NELL2: variants seen among roughly 807,000 people sequenced by gnomAD.
The protein encoded by NELL2 is neural EGFL like 2.
A neutral mutation model predicts 109.6 loss-of-function variants in NELL2; 41 were observed. The observed-to-expected ratio is 0.37, with a 90% CI of 0.29 to 0.49. The LOEUF is 0.49. Ranked by LOEUF, NELL2 falls within the 20% of genes least tolerant of loss-of-function variation. NELL2 has a pLI of 0.98. For missense variants in NELL2, 900 were observed against 1,008.3 expected (o/e 0.89, Z 1.45); for synonymous variants, 355 against 344.7 (o/e 1.03, Z -0.33).
chr12:44,652,185 A>C (rs1014670723), intron 13 of NELL2, among the ~76,000 whole-genome samples: 5 of 152,270 alleles, frequency 3.3e-5, no homozygotes, highest in South Asian at 2.1e-4. Context: ...AGATTGTGAC[A>C]ACAACGATAC....
rs181044942 is a variant in NELL2 at position 44,692,589 on chromosome 12, A to G, written c.1318+11137T>C. Among the ~76,000 whole-genome samples, 234 of 152,280 alleles carry G rather than the reference A, an allele frequency of 1.5e-3. 3 individuals carry two copies. The highest frequency in any genetic ancestry group is 5.1e-3 in the African/African-American group (214 of 41,560). On this transcript the variant is annotated intron_variant, in intron 12 of 19. Coordinates refer to ENST00000429094, the MANE Select transcript of NELL2 (RefSeq NM_001145108.2). Reference sequence around the variant, plus strand: ...CAAGAATCTGGGCAAAGTAAGTTGAAAACCTTCTGGGGAAGATTCACCATT... The same window carrying G: ...CAAGAATCTGGGCAAAGTAAGTTGAGAACCTTCTGGGGAAGATTCACCATT...
intron 13 of NELL2, among the ~76,000 whole-genome samples, chr12:44,643,925 GC>G (rs1946953448): frequency 1.3e-5 from 2 of 152,124 alleles, no homozygotes. Context: ...AGAAACATGG[GC>G]AAGAGTTTCT....
chr12:44,704,136 T>C (rs1937721582), intron 11 of NELL2, among the ~76,000 whole-genome samples: 1 of 151,996 alleles, frequency 6.6e-6, no homozygotes, highest in African/African-American at 2.4e-5. Flanking sequence ...TAACCCTCCA[T>C]ATATCTGAAA....
intron 12 of NELL2, among the ~76,000 whole-genome samples, chr12:44,678,785 A>G (rs1236504187): frequency 6.6e-6 from 1 of 152,120 alleles, no homozygotes; most frequent in East Asian, 1.9e-4. Context: ...AGCCAAGCAA[A>G]ATACAGATGG....
chr12:44,756,061 T>A (rs1940876769), intron 9 of NELL2, among the ~76,000 whole-genome samples: 1 of 152,098 alleles, frequency 6.6e-6, no homozygotes, highest in Non-Finnish European at 1.5e-5. Flanking sequence ...ACCTTAGATC[T>A]CACTTCACAG....
intron 12 of NELL2, among the ~76,000 whole-genome samples, chr12:44,684,804 C>T (rs1216043127): frequency 1.3e-5 from 2 of 152,076 alleles, no homozygotes; most frequent in African/African-American, 2.4e-5. Context: ...AATTTCTGTT[C>T]TTTTACATTT....
At position 44,522,031 on chromosome 12, in the gene NELL2, C is replaced by A; in HGVS notation, c.2144G>T (p.Trp715Leu). The A allele has an allele frequency of 2.5e-6, 4 of 1,613,972 alleles. No homozygotes were observed. The highest frequency in any genetic ancestry group is 3.4e-6 in the Non-Finnish European group (4 of 1,179,986). ...GCGGCACTGTTGACAATTCTGGACC[C>A]AGGTGTCACCACTGTTATACAAAGT... is the stretch of plus-strand genomic sequence containing the variant. ...GETLYNSGDTWVQNCQQCRCL... is the reference protein window; with the variant it reads ...GETLYNSGDTLVQNCQQCRCL... Residue 715 changes from tryptophan (W) to leucine (L), a missense_variant, in exon 18 of 20, where the codon TGG (tryptophan) becomes TTG (leucine). Trp to Leu is a moderately conservative substitution (Grantham distance 61). This residue lies in a region of NELL2 where 333 missense variants were observed against 432.3 expected (regional missense o/e 0.77). Transcript: ENST00000429094.
At chr12:44,621,742 A>T (rs1185746533) in intron 13 of NELL2, among the ~76,000 whole-genome samples, 1 of 152,146 alleles carries the variant, frequency 6.6e-6, no homozygotes, top group Non-Finnish European at 1.5e-5. Context: ...TGAAATAAAA[A>T]TTAATAAGAA....
intron 13 of NELL2, among the ~76,000 whole-genome samples, chr12:44,663,252 TA>T (rs947746742): frequency 1.3e-5 from 2 of 150,646 alleles, no homozygotes; most frequent in Admixed American, 6.6e-5. Flanking sequence ...GGCCTAACAT[TA>T]AAAAAAAATA....
intron 9 of NELL2, among the ~76,000 whole-genome samples, chr12:44,747,346 G>T (rs1471430371): frequency 6.6e-6 from 1 of 151,988 alleles, no homozygotes; most frequent in Admixed American, 6.6e-5. Flanking sequence ...TATACCTAAT[G>T]TTAAATGACG....
At chr12:44,593,655 A>AT (rs1944844671) in intron 15 of NELL2, among the ~76,000 whole-genome samples, 3 of 152,146 alleles carry the variant, frequency 2.0e-5, no homozygotes, top group African/African-American at 7.2e-5. Context: ...CTGGTTCTAG[A>AT]TCCTTGAGGA....
intron 15 of NELL2, among the ~76,000 whole-genome samples, chr12:44,570,009 T>C (rs992106973): frequency 4.6e-5 from 7 of 152,216 alleles, no homozygotes; most frequent in African/African-American, 1.7e-4. Flanking sequence ...AAGCCTCATC[T>C]GAAAAGCAGG....
At chr12:44,516,719 G>A (rs1941275452) in intron 19 of NELL2, among the ~76,000 whole-genome samples, 1 of 152,122 alleles carries the variant, frequency 6.6e-6, no homozygotes, top group African/African-American at 2.4e-5. Flanking sequence ...GGAGTGCAGT[G>A]GCATGATCAT....
At chr12:44,601,145 G>A (rs1945204024) in intron 15 of NELL2, among the ~76,000 whole-genome samples, 1 of 152,000 alleles carries the variant, frequency 6.6e-6, no homozygotes. Flanking sequence ...CTAACAGCTT[G>A]AAAGCTATTT....
rs147946679 is a variant in NELL2, at chr12:44,911,021, G to A, written c.38+2778C>T. Among the ~76,000 whole-genome samples the A allele has an allele frequency of 1.7e-3, 259 of 152,030 alleles. 1 individual carries two copies. Among genetic ancestry groups the A allele is most frequent in the African/African-American group, 5.8e-3 (239 of 41,500 alleles). ...CTAGATGGGGGAGGTAGGGAGGAGG[G>A]TAAGGTTGAAAAATTGTTGCATACT... On this transcript the variant is annotated intron_variant, in intron 1 of 20. Coordinates refer to the NELL2 transcript ENST00000333837.
At chr12:44,791,106 T>TATACAC (rs1942390608) in intron 3 of NELL2, among the ~76,000 whole-genome samples, 1 of 25,418 alleles carries the variant, frequency 3.9e-5, no homozygotes, top group African/African-American at 1.9e-4. Context: ...TGTATATATA[T>TATACAC]ATGTATATAT....
chr12:44,661,837 C>T (rs1030947924), intron 13 of NELL2, among the ~76,000 whole-genome samples: 1 of 152,090 alleles, frequency 6.6e-6, no homozygotes, highest in East Asian at 1.9e-4. Flanking sequence ...CTTTTCTCTT[C>T]CCTTTTCCAT....
At chr12:44,717,629 T>C (rs1375232044) in intron 9 of NELL2, among the ~76,000 whole-genome samples, 1 of 152,158 alleles carries the variant, frequency 6.6e-6, no homozygotes, top group African/African-American at 2.4e-5. Flanking sequence ...CAAGGGATCA[T>C]CATTACCCTA....
chr12:44,816,193 T>C (rs1284012439), intron 2 of NELL2, 57 bp from the exon 3 acceptor site: 8 of 1,418,420 alleles, frequency 5.6e-6, no homozygotes, highest in Non-Finnish European at 7.6e-6. Flanking sequence ...ATGAAGTATC[T>C]TTTACATGTA....
Sources: allele counts gnomAD v4.1 joint callset (sites outside exome capture counted in the v4.1 genomes callset), GRCh38; gene constraint gnomAD v4.1.1; regional missense constraint gnomAD v4.1.1; transcripts MANE v1.5; gene names NCBI Gene and HGNC (gene_info 2026-07-23, HGNC 2026-07-21).